The following CCSER1 variants were observed in gnomAD, a reference collection of about 807,000 sequenced individuals.
CCSER1 encodes the protein coiled-coil serine rich protein 1.
Under a neutral mutation model 82.0 loss-of-function variants are expected in CCSER1, and 41 were observed. The ratio of observed to expected loss-of-function variants is 0.50; its 90% CI spans 0.39 to 0.65. The LOEUF is 0.65. CCSER1 is among the 30% of genes least tolerant of loss of function. The pLI is 0.00. For missense variants in CCSER1, 1,119 were observed against 1,064.2 expected (o/e 1.05, Z -0.72); for synonymous variants, 414 against 383.9 (o/e 1.08, Z -0.92).
At chr4:91,527,298 T>C (rs1760814081) in intron 10 of CCSER1, among the ~76,000 whole-genome samples, 1 of 152,134 alleles carries the variant, frequency 6.6e-6, no homozygotes, top group Non-Finnish European at 1.5e-5. Context: ...AAAATACAGA[T>C]TAGTGTCAGA....
At chr4:91,353,387 A>G (rs1045964641) in intron 10 of CCSER1, among the ~76,000 whole-genome samples, 15 of 152,180 alleles carry the variant, frequency 9.9e-5, no homozygotes, top group African/African-American at 3.4e-4. Flanking sequence ...ATGTTCTTCT[A>G]TACAATGTCT....
intron 8 of CCSER1, among the ~76,000 whole-genome samples, chr4:90,899,986 C>G (rs188133891): frequency 1.6e-4 from 24 of 151,690 alleles, no homozygotes; most frequent in Non-Finnish European, 2.4e-4. Flanking sequence ...AGCATTCCCC[C>G]CTCCTTGTTT....
intron 8 of CCSER1, among the ~76,000 whole-genome samples, chr4:90,834,315 C>T (rs1761513230): frequency 6.6e-6 from 1 of 152,134 alleles, no homozygotes; most frequent in Non-Finnish European, 1.5e-5. Flanking sequence ...TAGGATTCCA[C>T]ACATCATTCT....
In CCSER1 at chr4:90,214,983, G is replaced by A. The variant is rs188942115; in HGVS notation, c.-42+87152G>A. On this transcript the variant is annotated intron_variant, in intron 1 of 10. Coordinates refer to ENST00000509176, the MANE Select transcript of CCSER1 (RefSeq NM_001145065.2). Reference sequence around the variant, plus strand: ...TATGTAAATTCTTTTTGACAGATTTGTTATTAAGGGAAGAAAGATGAGTAT... The same window carrying A: ...TATGTAAATTCTTTTTGACAGATTTATTATTAAGGGAAGAAAGATGAGTAT... 2.5e-4 allele frequency among the ~76,000 whole-genome samples: 38 copies of A among 152,168 alleles called. No individual in the cohort carries two copies. In the East Asian group the frequency reaches 6.6e-3, roughly 26 times the overall value.
intron 4 of CCSER1, among the ~76,000 whole-genome samples, chr4:90,410,466 C>T (rs1235544486): frequency 6.6e-6 from 1 of 152,092 alleles, no homozygotes; most frequent in Non-Finnish European, 1.5e-5. Flanking sequence ...TAGAACTCAG[C>T]ACTAAGAAAC....
intron 10 of CCSER1, among the ~76,000 whole-genome samples, chr4:91,496,487 G>A (rs767447199): frequency 1.4e-5 from 2 of 142,364 alleles, no homozygotes; most frequent in East Asian, 4.1e-4. Flanking sequence ...TCTACTGTAT[G>A]TTTTATGTAT....
chr4:91,549,306 G>A (rs113812816), intron 10 of CCSER1, among the ~76,000 whole-genome samples: 106 of 151,866 alleles, frequency 7.0e-4, no homozygotes, highest in African/African-American at 2.4e-3. Context: ...ATTAATCATA[G>A]TTTTATGAAA....
chr4:90,729,117 A>G (rs1046104274), intron 7 of CCSER1, among the ~76,000 whole-genome samples: 1 of 152,180 alleles, frequency 6.6e-6, no homozygotes, highest in South Asian at 2.1e-4. Context: ...AACAGCAACT[A>G]CTTCTTCATT....
intron 2 of CCSER1, among the ~76,000 whole-genome samples, chr4:90,311,633 G>A (rs1735303967): frequency 6.6e-6 from 1 of 152,040 alleles, no homozygotes; most frequent in Admixed American, 6.6e-5. Context: ...TTTGTATTTT[G>A]TATGAAATAT....
At chr4:91,082,825 G>A (rs911935841) in intron 9 of CCSER1, among the ~76,000 whole-genome samples, 9 of 152,108 alleles carry the variant, frequency 5.9e-5, no homozygotes, top group Admixed American at 3.9e-4. Flanking sequence ...CATCATCACT[G>A]GTCATCAGAG....
At chr4:90,781,156 C>T (rs1186109900) in intron 7 of CCSER1, 2 of 496,962 alleles carry the variant, frequency 4.0e-6, no homozygotes, top group African/African-American at 2.1e-5. Context: ...AAACACCTCC[C>T]ACCAAGCCCC....
rs1763641067 is a variant in CCSER1, at chr4:91,579,766, G to A, written c.2218-18806G>A. Among the ~76,000 whole-genome samples, 2 of 151,794 alleles carry A rather than the reference G, an allele frequency of 1.3e-5. 1 individual carries two copies. The highest frequency in any genetic ancestry group is 4.8e-5 in the African/African-American group (2 of 41,364). Reference sequence around the variant, plus strand: ...ATGAAGGAATGTAGCATGAATAGGGGATTAACCATGGCAAGTGAATACCAT... The same window carrying A: ...ATGAAGGAATGTAGCATGAATAGGGAATTAACCATGGCAAGTGAATACCAT... On this transcript the variant is annotated intron_variant, in intron 10 of 10. Transcript: ENST00000509176.
intron 1 of CCSER1, among the ~76,000 whole-genome samples, chr4:90,291,751 A>G (rs1730983064): frequency 6.6e-6 from 1 of 151,988 alleles, no homozygotes; most frequent in South Asian, 2.1e-4. Context: ...TATAGGCAAT[A>G]TGCTTTAATA....
chr4:91,067,724 A>G (rs776588117), intron 9 of CCSER1, among the ~76,000 whole-genome samples: 3 of 152,186 alleles, frequency 2.0e-5, no homozygotes, highest in Admixed American at 6.5e-5. Flanking sequence ...AAGGAGCCTC[A>G]GTGTTTCTCA....
At chr4:90,525,295 T>C (rs1773614398) in intron 5 of CCSER1, among the ~76,000 whole-genome samples, 1 of 152,144 alleles carries the variant, frequency 6.6e-6, no homozygotes, top group Non-Finnish European at 1.5e-5. Context: ...GAAAATGTTT[T>C]TCTGTAATAT....
rs1257205065 is a variant in CCSER1 at position 91,445,655 on chromosome 4, T to C, written c.2218-152917T>C. Among the ~76,000 whole-genome samples the C allele has an allele frequency of 2.6e-5, 4 of 152,172 alleles. No homozygotes were observed. The East Asian group carries it at 7.7e-4, about 29-fold the overall frequency. ...CAATCTATTTGTTTTTATCTCTCTATTTATATCCCTGTCATCTATCCATAG... is the reference window on the plus strand; with the variant it reads ...CAATCTATTTGTTTTTATCTCTCTACTTATATCCCTGTCATCTATCCATAG... On this transcript the variant is annotated intron_variant, in intron 10 of 10. Coordinates refer to ENST00000509176, the MANE Select transcript of CCSER1 (RefSeq NM_001145065.2).
intron 5 of CCSER1, among the ~76,000 whole-genome samples, chr4:90,564,703 T>C (rs2870251): frequency 0.94 from 142,428 of 150,750 alleles, 67,374 homozygotes; most frequent in East Asian, 1. Flanking sequence ...TTTTTTAATA[T>C]GGTGTGAGAT....
chr4:90,208,679 G>T (rs57957708), intron 1 of CCSER1, among the ~76,000 whole-genome samples: 14,991 of 152,054 alleles, frequency 0.099, 885 homozygotes, highest in East Asian at 0.3. Flanking sequence ...CAAAGACTCT[G>T]GGAAAAGCAT....
At chr4:90,496,742 G>A (rs952833424) in intron 5 of CCSER1, among the ~76,000 whole-genome samples, 2 of 152,030 alleles carry the variant, frequency 1.3e-5, no homozygotes, top group African/African-American at 2.4e-5. Flanking sequence ...ACTTTGGGAG[G>A]CCAAGGTGGG....
Sources: allele counts gnomAD v4.1 joint callset (sites outside exome capture counted in the v4.1 genomes callset), GRCh38; gene constraint gnomAD v4.1.1; transcripts MANE v1.5; gene names NCBI Gene and HGNC (gene_info 2026-07-23, HGNC 2026-07-21).